TASP1: variants seen among roughly 807,000 people sequenced by gnomAD.
TASP1 encodes threonine aspartase 1.
In TASP1, 16 loss-of-function variants were observed where a neutral mutation model predicts 56.6. The ratio of observed to expected loss-of-function variants is 0.28; its 90% CI spans 0.19 to 0.43. The LOEUF (loss-of-function observed/expected upper bound fraction) is 0.43, where lower values mean the gene tolerates loss of function less well. Ranked by LOEUF, TASP1 falls within the 20% of genes least tolerant of loss-of-function variation. The pLI, the probability that TASP1 is intolerant of heterozygous loss-of-function variation, is 1.00. For synonymous variants in TASP1, 179 were observed against 184.2 expected (o/e 0.97, Z 0.23); for missense variants, 393 against 511.6 (o/e 0.77, Z 2.24).
At chr20:13,536,220 A>T (rs1271643557) in intron 8 of TASP1, among the ~76,000 whole-genome samples, 1 of 152,132 alleles carries the variant, frequency 6.6e-6, no homozygotes, top group Non-Finnish European at 1.5e-5. Flanking sequence ...TATATCTAAC[A>T]ATATTCCACA....
the TASP1 span, chr20:13,164,694 C>A: frequency 7.6e-7 from 1 of 1,319,402 alleles, no homozygotes; most frequent in Non-Finnish European, 1.1e-6. Flanking sequence ...AATCTGGGCT[C>A]TGCAAAGCAG....
At chr20:13,434,341 C>T (rs543898216) in intron 12 of TASP1, among the ~76,000 whole-genome samples, 1 of 152,090 alleles carries the variant, frequency 6.6e-6, no homozygotes, top group Non-Finnish European at 1.5e-5. Context: ...AATGTGTCCC[C>T]TCTGGAGAGA....
the TASP1 span, among the ~76,000 whole-genome samples, chr20:13,313,344 C>T: frequency 6.6e-6 from 1 of 152,224 alleles, no homozygotes; most frequent in East Asian, 1.9e-4. Context: ...TGTAACCTAA[C>T]TGGATGTGTA....
the TASP1 span, among the ~76,000 whole-genome samples, chr20:13,210,260 C>A: frequency 6.6e-6 from 1 of 152,098 alleles, no homozygotes; most frequent in African/African-American, 2.4e-5. Flanking sequence ...AAAATTGATA[C>A]ATGTTTGGAT....
chr20:13,369,183 A>C, the TASP1 span, among the ~76,000 whole-genome samples: 1 of 152,182 alleles, frequency 6.6e-6, no homozygotes, highest in African/African-American at 2.4e-5. Context: ...CAATGGCTCA[A>C]GCCTGTAATC....
At chr20:13,275,539 A>G in the TASP1 span, among the ~76,000 whole-genome samples, 1 of 152,318 alleles carries the variant, frequency 6.6e-6, no homozygotes, top group Middle Eastern at 3.4e-3. Context: ...CCATTTAGTC[A>G]GCCAGACTTG....
intron 6 of TASP1, among the ~76,000 whole-genome samples, chr20:13,572,197 A>T (rs1185240064): frequency 6.6e-6 from 1 of 152,248 alleles, no homozygotes; most frequent in Non-Finnish European, 1.5e-5. Flanking sequence ...CATTTAGAAC[A>T]GTGCCTAAAG....
intron 10 of TASP1, among the ~76,000 whole-genome samples, chr20:13,510,594 C>T (rs1568527652): frequency 1.3e-5 from 2 of 152,080 alleles, no homozygotes; most frequent in Non-Finnish European, 2.9e-5. Flanking sequence ...TCTCTAAATA[C>T]CTAATCTATA....
rs2044189076 is a variant in TASP1 at position 13,464,867 on chromosome 20, TTATGGTTAAAGCAAGGCA to T, written c.985+18342_985+18359del. ...TGCTTAACCCTACAGAACTGTACACTTATGGTTAAAGCAAGGCACTCACAGTGACTCATGCCTGTAATC... is the reference window on the plus strand; with the variant it reads ...TGCTTAACCCTACAGAACTGTACACTCTCACAGTGACTCATGCCTGTAATC... On this transcript the variant is annotated intron_variant, in intron 11 of 13. Coordinates refer to ENST00000337743, the MANE Select transcript of TASP1 (RefSeq NM_017714.3). Among the ~76,000 whole-genome samples the T allele has an allele frequency of 4.6e-5, 7 of 152,018 alleles. No homozygotes were observed. The South Asian group carries it at 1.5e-3, about 32-fold the overall frequency.
chr20:13,419,465 C>T (rs1387990342), intron 12 of TASP1, among the ~76,000 whole-genome samples: 2 of 152,164 alleles, frequency 1.3e-5, no homozygotes, highest in African/African-American at 4.8e-5. Flanking sequence ...CTGCAAACAT[C>T]CAGGGATGCC....
chr20:13,487,858 T>C (rs1264619935), intron 10 of TASP1, among the ~76,000 whole-genome samples: 1 of 152,188 alleles, frequency 6.6e-6, no homozygotes, highest in East Asian at 1.9e-4. Context: ...GTAATTTCTT[T>C]CTATAAAATC....
chr20:13,457,846 A>G (rs531090219), intron 11 of TASP1, among the ~76,000 whole-genome samples: 16 of 152,314 alleles, frequency 1.1e-4, no homozygotes, highest in African/African-American at 3.6e-4. Context: ...CCATATAAGC[A>G]GGGTCTGTTA....
chr20:13,242,511 G>A, the TASP1 span, among the ~76,000 whole-genome samples: 18 of 152,044 alleles, frequency 1.2e-4, no homozygotes, highest in African/African-American at 4.4e-4. Flanking sequence ...GCCCGAGAAG[G>A]TCCAGTAAAA....
At chr20:13,376,591 A>T in the TASP1 span, among the ~76,000 whole-genome samples, 10 of 151,820 alleles carry the variant, frequency 6.6e-5, no homozygotes, top group South Asian at 2.1e-3. Context: ...AATTTAAAAT[A>T]GTTTTTTTTC....
downstream of TASP1, among the ~76,000 whole-genome samples, chr20:13,388,486 T>C (rs1462243716): frequency 1.3e-5 from 2 of 152,124 alleles, no homozygotes; most frequent in East Asian, 3.8e-4. Flanking sequence ...GTTTTTGAAC[T>C]CTTAATAAAA....
At chr20:13,334,737 A>T in the TASP1 span, among the ~76,000 whole-genome samples, 1 of 152,224 alleles carries the variant, frequency 6.6e-6, no homozygotes, top group African/African-American at 2.4e-5. Flanking sequence ...AAAATTTCTA[A>T]AGGAAACTTC....
intron 10 of TASP1, among the ~76,000 whole-genome samples, chr20:13,485,718 T>C (rs2043299848): frequency 6.6e-6 from 1 of 152,178 alleles, no homozygotes; most frequent in Non-Finnish European, 1.5e-5. Flanking sequence ...GAAATCACGT[T>C]GGACACTTAC....
the TASP1 span, among the ~76,000 whole-genome samples, chr20:13,179,409 G>A: frequency 6.9e-6 from 1 of 144,410 alleles, no homozygotes; most frequent in African/African-American, 2.7e-5. Flanking sequence ...TTATGTGCGT[G>A]TGTGTGTGTG....
chr20:13,264,501 G>A, the TASP1 span, among the ~76,000 whole-genome samples: 1 of 152,220 alleles, frequency 6.6e-6, no homozygotes, highest in East Asian at 1.9e-4. Context: ...TCCTCCTATT[G>A]TAGTGCTCAT....
Sources: gnomAD v4.1 joint callset for allele counts (sites outside exome capture counted in the v4.1 genomes callset) on GRCh38, gnomAD v4.1.1 for gene constraint, MANE v1.5 for transcripts, NCBI Gene and HGNC (gene_info 2026-07-23, HGNC 2026-07-21) for gene names.